The following CSMD3 variants were observed in gnomAD, a reference collection of about 807,000 sequenced individuals.
The protein encoded by CSMD3 is CUB and sushi domain-containing protein 3.
A neutral mutation model predicts 435.2 loss-of-function variants in CSMD3; 177 were observed. The observed-to-expected ratio is 0.41, with a 90% confidence interval of 0.36 to 0.46. The LOEUF is 0.46. CSMD3 is among the 20% of genes least tolerant of loss of function. The pLI is 0.34. For missense variants in CSMD3, 4,265 were observed against 4,504.6 expected, an observed-to-expected ratio of 0.95 and a Z score of 1.52; for synonymous variants, 1,656 against 1,520.5, an observed-to-expected ratio of 1.09 and a Z score of -2.07.
Position 112,556,842 on chromosome 8 carries a change from G to T in CSMD3, c.4155C>A (p.Tyr1385Ter). Residue 1385 changes from tyrosine (Y) to a stop codon, truncating the protein, a stop_gained, in exon 25 of 71, where the codon TAC becomes TAA. Transcript: ENST00000297405. LOFTEE classifies it high-confidence loss of function. Reference sequence around the variant, plus strand: ...TGAGAAGGCTACTTCCGTGGAGAGTGTAGCCTGGATTGCATCCATAAATGA... The same window carrying T: ...TGAGAAGGCTACTTCCGTGGAGAGTTTAGCCTGGATTGCATCCATAAATGA... ...STIIYGCNPG[Y>*]TLHGSSLLKC... 6.2e-7 allele frequency: 1 copy of T among 1,612,444 alleles called. No homozygotes were observed. Among genetic ancestry groups the T allele is most frequent in the Non-Finnish European group, 8.5e-7 (1 of 1,179,008 alleles).
rs577471920 is a variant in CSMD3, at chr8:112,416,952, A to T, written c.5396-7920T>A. 2.5e-3 allele frequency among the ~76,000 whole-genome samples: 378 copies of T among 152,234 alleles called. 1 individual carries two copies. The highest frequency in any genetic ancestry group is 7.6e-3 in the Admixed American group (116 of 15,272). ...TTTAAACCTGTAAACCTGTTTTGAT[A>T]TAAAAGTCTTCAAATTTGGTGGAGT... On this transcript the variant is annotated intron_variant, in intron 32 of 70. Coordinates refer to ENST00000297405, the MANE Select transcript of CSMD3 (RefSeq NM_198123.2).
chr8:113,100,804 AT>A (rs1390034523), intron 4 of CSMD3, among the ~76,000 whole-genome samples: 2 of 152,160 alleles, frequency 1.3e-5, no homozygotes, highest in African/African-American at 4.8e-5. Flanking sequence ...AAAAATCACA[AT>A]CCATCAATTA....
In CSMD3 at chr8:112,263,784, G is replaced by C. The variant is rs533857504; in HGVS notation, c.9717C>G (p.Ile3239Met). The part of the protein sequence containing the change: ...RAVTCPTPPQ[I>M]SNGRLEGTNF... The stretch of plus-strand genomic sequence containing the variant: ...TTGTTCCTTCCAGCCTTCCATTAGA[G>C]ATCTGGGGAGGAGTTGGGCAGGTAA... The change falls in exon 61 of 71, where the codon ATC becomes ATG. Residue 3239 changes from isoleucine (I) to methionine (M), a missense_variant. Transcript: ENST00000297405. The C allele has an allele frequency of 6.2e-7, 1 of 1,613,842 alleles. No homozygotes were observed. Among genetic ancestry groups the C allele is most frequent in the Non-Finnish European group, 8.5e-7 (1 of 1,179,784 alleles).
chr8:112,873,264 T>C (rs1051905769), intron 10 of CSMD3, among the ~76,000 whole-genome samples: 11 of 151,880 alleles, frequency 7.2e-5, no homozygotes, highest in Non-Finnish European at 1.5e-5. Flanking sequence ...CACAAGAAAT[T>C]AACTGAAATT....
chr8:112,975,440 G>A (rs2084810030), intron 7 of CSMD3, among the ~76,000 whole-genome samples: 1 of 151,914 alleles, frequency 6.6e-6, no homozygotes, highest in Non-Finnish European at 1.5e-5. Flanking sequence ...ATTACTACAT[G>A]GGATAAATCA....
chr8:113,259,953 T>C lies in CSMD3; in HGVS notation c.514+18639A>G, dbSNP rs1319882626. 2.0e-5 allele frequency among the ~76,000 whole-genome samples: 3 copies of C among 152,190 alleles called. No individual in the cohort carries two copies. The South Asian group carries it at 6.2e-4, about 32-fold the overall frequency. On this transcript the variant is annotated intron_variant, in intron 3 of 70. Transcript: ENST00000297405. ...TGAATCATGGGGGTGGTTTCTCCCA[T>C]GCTAATCTCATGATAGTAAGTTCTC... is the stretch of plus-strand genomic sequence containing the variant.
intron 13 of CSMD3, among the ~76,000 whole-genome samples, chr8:112,768,101 CTTCT>C (rs1206871658): frequency 9.9e-5 from 15 of 151,582 alleles, no homozygotes; most frequent in Middle Eastern, 3.4e-3. Flanking sequence ...AGTTTATGTT[CTTCT>C]TTCTTTTAAT....
At chr8:112,336,263 A>G (rs1824543239) in intron 44 of CSMD3, among the ~76,000 whole-genome samples, 1 of 152,136 alleles carries the variant, frequency 6.6e-6, no homozygotes, top group Non-Finnish European at 1.5e-5. Flanking sequence ...AATACAATTA[A>G]ATTTTTATGG....
chr8:112,300,202 AT>A, intron 53 of CSMD3, among the ~76,000 whole-genome samples: 1 of 147,148 alleles, frequency 6.8e-6, no homozygotes, highest in Non-Finnish European at 1.5e-5. Context: ...TTAAATATAT[AT>A]TTATTTATAA....
chr8:112,646,443 T>C (rs188169591), intron 19 of CSMD3, among the ~76,000 whole-genome samples: 231 of 152,208 alleles, frequency 1.5e-3, no homozygotes, highest in African/African-American at 5.0e-3. Context: ...TGAGAGAAAG[T>C]TTTTCTGTAT....
intron 12 of CSMD3, among the ~76,000 whole-genome samples, chr8:112,817,993 TA>T (rs1228098559): frequency 6.6e-6 from 1 of 151,718 alleles, no homozygotes; most frequent in Non-Finnish European, 1.5e-5. Context: ...TTATACTTCA[TA>T]AAAAAAGAAA....
At chr8:112,322,916 T>C (rs1421500965) in intron 45 of CSMD3, among the ~76,000 whole-genome samples, 3 of 152,072 alleles carry the variant, frequency 2.0e-5, no homozygotes, top group African/African-American at 4.8e-5. Context: ...ATAATTCAAC[T>C]AATATTTGCT....
intron 5 of CSMD3, among the ~76,000 whole-genome samples, chr8:113,039,296 T>C (rs2087499014): frequency 1.3e-5 from 2 of 152,194 alleles, no homozygotes; most frequent in South Asian, 2.1e-4. Flanking sequence ...TAGAATCTTA[T>C]ACATATTTGT....
chr8:113,237,264 G>C (rs1328448161), intron 3 of CSMD3, among the ~76,000 whole-genome samples: 1 of 152,090 alleles, frequency 6.6e-6, no homozygotes, highest in Non-Finnish European at 1.5e-5. Context: ...ATATCGGGGT[G>C]GGAATCAACT....
chr8:113,424,245 T>G (rs2942852), intron 1 of CSMD3, among the ~76,000 whole-genome samples: 33,678 of 151,542 alleles, frequency 0.22, 4,318 homozygotes, highest in Non-Finnish European at 0.3. Flanking sequence ...CAAACTCCTA[T>G]GTAGCAAAAT....
In CSMD3 at chr8:113,089,648, G is replaced by C. The variant is rs542204955; in HGVS notation, c.917+9108C>G. On this transcript the variant is annotated intron_variant, in intron 5 of 70. Coordinates refer to ENST00000297405, the MANE Select transcript of CSMD3 (RefSeq NM_198123.2). ...TGCTGAATCTCATTAAAATCATCTG[G>C]TTTTATGGACTATAGTGCAAATAAG... is the stretch of plus-strand genomic sequence containing the variant. 7.2e-5 allele frequency among the ~76,000 whole-genome samples: 11 copies of C among 152,034 alleles called. No individual in the cohort carries two copies. In the South Asian group the frequency reaches 2.3e-3, roughly 32 times the overall value.
At chr8:112,544,418 T>C (rs1438787605) in intron 27 of CSMD3, among the ~76,000 whole-genome samples, 1 of 152,150 alleles carries the variant, frequency 6.6e-6, no homozygotes, top group Non-Finnish European at 1.5e-5. Flanking sequence ...ACTGCCCTCT[T>C]CACTAGCCTA....
chr8:112,342,692 G>C (rs1044205189), intron 41 of CSMD3, among the ~76,000 whole-genome samples: 3 of 151,748 alleles, frequency 2.0e-5, no homozygotes, highest in African/African-American at 7.3e-5. Flanking sequence ...AACTACACTG[G>C]GGCTCTGAGT....
intron 1 of CSMD3, among the ~76,000 whole-genome samples, chr8:113,355,005 C>T (rs1563736804): frequency 1.3e-5 from 2 of 152,106 alleles, no homozygotes; most frequent in African/African-American, 2.4e-5. Flanking sequence ...AAGTCTTCTC[C>T]ATCTCAATAA....
Sources: allele counts gnomAD v4.1 joint callset (sites outside exome capture counted in the v4.1 genomes callset), GRCh38; gene constraint gnomAD v4.1.1; transcripts MANE v1.5; gene names NCBI Gene and HGNC (gene_info 2026-07-23, HGNC 2026-07-21).